Variants in DCHS2 observed in about 807,000 individuals in gnomAD.
The protein encoded by DCHS2 is dachsous cadherin-related 2, also known as protocadherin-23.
Under a neutral mutation model 182.4 loss-of-function variants are expected in DCHS2, and 142 were observed. The observed-to-expected ratio is 0.78, with a 90% confidence interval of 0.68 to 0.89. DCHS2 has a LOEUF of 0.89. Ranked by LOEUF, DCHS2 falls within the 40% of genes least tolerant of loss-of-function variation. The pLI is 0.00. For synonymous variants in DCHS2, 1,740 were observed against 1,663.3 expected (o/e 1.05, Z -1.12); for missense variants, 4,319 against 4,198.6 (o/e 1.03, Z -0.79).
At chr4:154,459,625 G>T (rs1370418041) in intron 1 of DCHS2, among the ~76,000 whole-genome samples, 1 of 151,996 alleles carries the variant, frequency 6.6e-6, no homozygotes, top group African/African-American at 2.4e-5. Context: ...CTGCGAAGTG[G>T]CTTCTAGTTA....
At chr4:154,391,083 G>C in intron 1 of DCHS2, 1 of 1,184,134 alleles carries the variant, frequency 8.4e-7, no homozygotes, top group East Asian at 2.4e-5. Context: ...AAATTCTTTG[G>C]CCAGTATGAA....
intron 1 of DCHS2, chr4:154,486,536 A>T (rs1055771519): frequency 7.7e-7 from 1 of 1,303,656 alleles, no homozygotes; most frequent in East Asian, 5.5e-5. Flanking sequence ...AAAGAGGAAA[A>T]CTTGTAGATG....
In DCHS2 at chr4:154,243,077, T is replaced by G. The variant is rs1182027826; in HGVS notation, c.6942-305A>C. Among the ~76,000 whole-genome samples, 8 of 152,154 alleles carry G rather than the reference T, an allele frequency of 5.3e-5. No individual in the cohort carries two copies. In the East Asian group the frequency reaches 1.3e-3, roughly 26 times the overall value. ...AAATTCAATCCTGTCCTGTGAAGAA[T>G]AATCTTAAAAAATAGAAACACCAAT... is the stretch of plus-strand genomic sequence containing the variant. On this transcript the variant is annotated intron_variant, in intron 16 of 19. Transcript: ENST00000357232.
chr4:154,275,286 C>A lies in DCHS2; in HGVS notation c.6464-5273G>T, dbSNP rs546377562. ...TGTTAAGGAAAAAGAGCAAGAAAACCCAACTGAATATATTACTCTCTTTAC... is the reference window on the plus strand; with the variant it reads ...TGTTAAGGAAAAAGAGCAAGAAAACACAACTGAATATATTACTCTCTTTAC... On this transcript the variant is annotated intron_variant, in intron 13 of 19. Coordinates refer to ENST00000357232, the MANE Select transcript of DCHS2 (RefSeq NM_001358235.2). Among the ~76,000 whole-genome samples the A allele has an allele frequency of 4.3e-4, 66 of 151,948 alleles. 1 individual carries two copies. The highest frequency in any genetic ancestry group is 8.4e-4 in the Non-Finnish European group (57 of 67,912).
At chr4:154,442,568 C>A in intron 1 of DCHS2, among the ~76,000 whole-genome samples, 1 of 119,348 alleles carries the variant, frequency 8.4e-6, no homozygotes, top group East Asian at 3.1e-4. Flanking sequence ...CACACCAGGA[C>A]ATTGCTTACG....
chr4:154,281,307 A>G (rs1032321960), intron 13 of DCHS2, among the ~76,000 whole-genome samples: 2 of 152,178 alleles, frequency 1.3e-5, no homozygotes, highest in African/African-American at 4.8e-5. Flanking sequence ...CCCACAAGAA[A>G]AACTAATAAA....
intron 1 of DCHS2, chr4:154,384,497 CA>C: frequency 1.3e-6 from 2 of 1,561,348 alleles, no homozygotes; most frequent in South Asian, 1.2e-5. Flanking sequence ...TGCTGGCCTC[CA>C]AAAAACCTCT....
intron 1 of DCHS2, among the ~76,000 whole-genome samples, chr4:154,415,764 T>C (rs578253173): frequency 6.6e-6 from 1 of 152,216 alleles, no homozygotes; most frequent in East Asian, 1.9e-4. Context: ...GCCCAAAGCG[T>C]GGCCAGGAAT....
At position 154,357,972 on chromosome 4, in the gene DCHS2, A is replaced by G. The variant is rs531152273; in HGVS notation, c.2476+8238T>C. Among the ~76,000 whole-genome samples the G allele has an allele frequency of 4.1e-4, 62 of 152,288 alleles. No individual in the cohort carries two copies. The Middle Eastern group carries it at 0.027, about 67-fold the overall frequency. Reference sequence around the variant, plus strand: ...AGCCTACAGTTAGCCAGCAGACTGCAGGGAATACATAGTAAGTTCTCTGAG... The same window carrying G: ...AGCCTACAGTTAGCCAGCAGACTGCGGGGAATACATAGTAAGTTCTCTGAG... On this transcript the variant is annotated intron_variant, in intron 3 of 19. Coordinates refer to ENST00000357232, the MANE Select transcript of DCHS2 (RefSeq NM_001358235.2).
At chr4:154,268,320 A>G (rs1733402260) in intron 14 of DCHS2, among the ~76,000 whole-genome samples, 1 of 151,748 alleles carries the variant, frequency 6.6e-6, no homozygotes, top group Admixed American at 6.6e-5. Flanking sequence ...CTTTGGGGCC[A>G]TTATTAAGTT....
chr4:154,290,904 C>A (rs1734630094), intron 13 of DCHS2, among the ~76,000 whole-genome samples: 1 of 151,916 alleles, frequency 6.6e-6, no homozygotes, highest in South Asian at 2.1e-4. Context: ...TAGTGCCCCA[C>A]AAACACAGAC....
intron 1 of DCHS2, among the ~76,000 whole-genome samples, chr4:154,488,535 A>G (rs1051447958): frequency 6.6e-6 from 1 of 152,152 alleles, no homozygotes; most frequent in African/African-American, 2.4e-5. Context: ...AAAGATATAC[A>G]CTTGGTCATT....
intron 1 of DCHS2, among the ~76,000 whole-genome samples, chr4:154,380,040 A>T (rs1240817467): frequency 6.6e-6 from 1 of 152,160 alleles, no homozygotes; most frequent in East Asian, 1.9e-4. Context: ...GCAATGTATT[A>T]TATAACATCC....
chr4:154,356,639 T>C (rs1028547305), intron 3 of DCHS2, among the ~76,000 whole-genome samples: 2 of 152,200 alleles, frequency 1.3e-5, no homozygotes, highest in Non-Finnish European at 2.9e-5. Context: ...GATATACAAA[T>C]TCTTACCATA....
chr4:154,331,681 G>T (rs1356883885), intron 5 of DCHS2: 1 of 1,613,742 alleles, frequency 6.2e-7, no homozygotes, highest in Non-Finnish European at 8.5e-7. Context: ...AGCACCATCT[G>T]CCCAGGTTAT....
intron 1 of DCHS2, among the ~76,000 whole-genome samples, chr4:154,441,210 T>A (rs1254324414): frequency 6.6e-6 from 1 of 152,222 alleles, no homozygotes; most frequent in African/African-American, 2.4e-5. Flanking sequence ...GGTTTGGTCA[T>A]ATTTTAAAAC....
intron 14 of DCHS2, among the ~76,000 whole-genome samples, chr4:154,265,725 A>C (rs1733218227): frequency 6.6e-6 from 1 of 152,144 alleles, no homozygotes; most frequent in African/African-American, 2.4e-5. Flanking sequence ...CTCAATTTAG[A>C]TATTCTGCAA....
chr4:154,416,348 C>A (rs1732832341), intron 1 of DCHS2, among the ~76,000 whole-genome samples: 1 of 152,226 alleles, frequency 6.6e-6, no homozygotes, highest in Non-Finnish European at 1.5e-5. Flanking sequence ...ACAGCGCCCC[C>A]ACCTCGCATC....
chr4:154,462,042 G>C lies in DCHS2; in HGVS notation c.2052+27262C>G, dbSNP rs115188709. 2.0e-3 allele frequency among the ~76,000 whole-genome samples: 310 copies of C among 152,232 alleles called. 1 individual carries two copies. Among genetic ancestry groups the C allele is most frequent in the African/African-American group, 6.8e-3 (282 of 41,546 alleles). On this transcript the variant is annotated intron_variant, in intron 1 of 19. Transcript: ENST00000357232. ...GAAGGAAAGGGACAGAAACCACCTG[G>C]CGGGAACACACCCACCTCACCCGCC...
Sources: allele counts gnomAD v4.1 joint callset (sites outside exome capture counted in the v4.1 genomes callset), GRCh38; gene constraint gnomAD v4.1.1; transcripts MANE v1.5; gene names NCBI Gene and HGNC (gene_info 2026-07-23, HGNC 2026-07-21).